The following CEP112 variants were observed in gnomAD, a reference collection of about 807,000 sequenced individuals.
The protein encoded by CEP112 is centrosomal protein of 112 kDa.
In CEP112, 127 loss-of-function variants were observed where a neutral mutation model predicts 153.0. That is an observed-to-expected ratio of 0.83 (90% CI 0.72 to 0.96). The LOEUF is 0.96. CEP112 is among the 40% of genes least tolerant of loss of function. CEP112 has a pLI of 0.00. For missense variants in CEP112, 1,089 were observed against 1,101.2 expected (o/e 0.99, Z 0.16); for synonymous variants, 358 against 374.4 (o/e 0.96, Z 0.51).
rs2045114075 is a variant in CEP112 at position 65,641,179 on chromosome 17, C to T, written c.2698-114G>A. 4.9e-6 allele frequency: 3 copies of T among 613,148 alleles called. No individual in the cohort carries two copies. The Admixed American group carries it at 8.6e-5, about 18-fold the overall frequency. The allele number at this position is 613,148 out of a possible 1,614,324, so 38.0% of individuals were successfully genotyped here. ...CAATGAAAGGTTTGTTACACGCGGT[C>T]AGAAACCAGACAATAAAGATGAAAT... is the stretch of plus-strand genomic sequence containing the variant. On this transcript the variant is annotated intron_variant, in intron 24 of 26. Coordinates refer to ENST00000535342, the MANE Select transcript of CEP112 (RefSeq NM_001199165.4).
intron 17 of CEP112, among the ~76,000 whole-genome samples, chr17:65,990,111 G>C (rs1472952935): frequency 6.6e-6 from 1 of 152,024 alleles, no homozygotes; most frequent in African/African-American, 2.4e-5. Context: ...GGAAAGAGAA[G>C]TTACCAAACA....
At chr17:66,173,025 C>T (rs183279030) in intron 4 of CEP112, among the ~76,000 whole-genome samples, 3 of 152,298 alleles carry the variant, frequency 2.0e-5, no homozygotes, top group East Asian at 3.9e-4. Context: ...TCTTGAATAG[C>T]TAGGACCACA....
At chr17:66,019,540 A>G (rs1254071956) in intron 16 of CEP112, among the ~76,000 whole-genome samples, 1 of 152,256 alleles carries the variant, frequency 6.6e-6, no homozygotes, top group Non-Finnish European at 1.5e-5. Context: ...TGTAAAATAA[A>G]AAGTGGCATG....
intron 12 of CEP112, among the ~76,000 whole-genome samples, chr17:66,046,474 T>C (rs2066215233): frequency 6.6e-6 from 1 of 152,234 alleles, no homozygotes; most frequent in Admixed American, 6.5e-5. Flanking sequence ...TATAAGGATC[T>C]TCCATGAGCA....
At chr17:65,919,173 T>C (rs962364573) in intron 19 of CEP112, among the ~76,000 whole-genome samples, 1 of 152,238 alleles carries the variant, frequency 6.6e-6, no homozygotes, top group Non-Finnish European at 1.5e-5. Flanking sequence ...TATTTTGTCT[T>C]CTTCATGAGA....
intron 21 of CEP112, among the ~76,000 whole-genome samples, chr17:65,816,261 A>C (rs2056256761): frequency 6.6e-6 from 1 of 152,058 alleles, no homozygotes; most frequent in African/African-American, 2.4e-5. Flanking sequence ...AACCATCACT[A>C]CAGTCTAAGT....
At chr17:65,745,161 T>G (rs1322359907) in intron 22 of CEP112, among the ~76,000 whole-genome samples, 1 of 152,168 alleles carries the variant, frequency 6.6e-6, no homozygotes, top group African/African-American at 2.4e-5. Flanking sequence ...GTGAGCAAAT[T>G]CACTATACCA....
At chr17:66,181,557 A>G (rs913389259) in intron 2 of CEP112, among the ~76,000 whole-genome samples, 7 of 151,962 alleles carry the variant, frequency 4.6e-5, no homozygotes, top group African/African-American at 1.2e-4. Flanking sequence ...GGCTTTCACC[A>G]TGTTAGCCAG....
chr17:65,937,489 C>G (rs1249855832), intron 18 of CEP112, among the ~76,000 whole-genome samples: 2 of 123,356 alleles, frequency 1.6e-5, no homozygotes, highest in East Asian at 4.0e-4. Flanking sequence ...AGTGAGGAGA[C>G]CCTCTGCCTG....
intron 17 of CEP112, among the ~76,000 whole-genome samples, chr17:65,962,434 C>T (rs2062239007): frequency 6.6e-6 from 1 of 152,082 alleles, no homozygotes; most frequent in African/African-American, 2.4e-5. Context: ...TTCTTCATAC[C>T]TTAGGCGGAA....
At chr17:65,774,355 G>A (rs35262181) in intron 21 of CEP112, among the ~76,000 whole-genome samples, 425 of 152,264 alleles carry the variant, frequency 2.8e-3, no homozygotes, top group African/African-American at 9.7e-3. Flanking sequence ...ATATAGGTCA[G>A]GGGTCCTCTG....
intron 21 of CEP112, among the ~76,000 whole-genome samples, chr17:65,842,594 CA>C: frequency 6.6e-6 from 1 of 152,214 alleles, no homozygotes; most frequent in South Asian, 2.1e-4. Context: ...TGTAAATACT[CA>C]AGCATTAATG....
intron 25 of CEP112, 139 bp from the exon 26 acceptor site, chr17:65,637,327 G>A (rs1713355106): frequency 1.5e-6 from 1 of 672,698 alleles, no homozygotes; most frequent in Non-Finnish European, 2.7e-6. Flanking sequence ...TCAATGTTGT[G>A]TTTTTTACAT....
At chr17:65,689,094 T>C in intron 24 of CEP112, 35 bp downstream of exon 24, 7 of 1,460,704 alleles carry the variant, frequency 4.8e-6, no homozygotes, top group Non-Finnish European at 5.8e-6. Flanking sequence ...CTAGAGAAAG[T>C]AAACAAGAGA....
intron 20 of CEP112, among the ~76,000 whole-genome samples, chr17:65,860,213 CAAAG>C (rs943772596): frequency 2.7e-5 from 4 of 150,478 alleles, no homozygotes; most frequent in African/African-American, 9.8e-5. Flanking sequence ...TGACAACAAA[CAAAG>C]AATCTTAGAA....
intron 24 of CEP112, among the ~76,000 whole-genome samples, chr17:65,675,450 C>T (rs905875137): frequency 2.6e-5 from 4 of 152,098 alleles, no homozygotes; most frequent in Non-Finnish European, 5.9e-5. Context: ...AAGTGATCCA[C>T]CCACCTCGGC....
chr17:65,846,045 C>T (rs1044760620), intron 21 of CEP112, among the ~76,000 whole-genome samples: 1 of 152,156 alleles, frequency 6.6e-6, no homozygotes, highest in African/African-American at 2.4e-5. Flanking sequence ...ATTTATTATT[C>T]TGGTATTATT....
At chr17:65,893,473 C>A (rs1444106726) in intron 20 of CEP112, among the ~76,000 whole-genome samples, 1 of 151,992 alleles carries the variant, frequency 6.6e-6, no homozygotes, top group Non-Finnish European at 1.5e-5. Flanking sequence ...TCCAAAAGCA[C>A]TCAAGAGATC....
chr17:65,984,179 G>T (rs1360110659), intron 17 of CEP112, among the ~76,000 whole-genome samples: 1 of 96,238 alleles, frequency 1.0e-5, no homozygotes, highest in East Asian at 2.0e-4. Context: ...AAATCCAAGG[G>T]TTTTTTTTAA....
Sources: gnomAD v4.1 joint callset for allele counts (sites outside exome capture counted in the v4.1 genomes callset) on GRCh38, gnomAD v4.1.1 for gene constraint, MANE v1.5 for transcripts, NCBI Gene and HGNC (gene_info 2026-07-23, HGNC 2026-07-21) for gene names.